The following RSPO1 variants were observed in gnomAD, a reference collection of about 807,000 sequenced individuals.
RSPO1 encodes R-spondin 1.
RSPO1 carries 18 observed loss-of-function variants against 26.0 expected under a neutral mutation model. The observed-to-expected ratio is 0.69, with a 90% CI of 0.48 to 1.03. The LOEUF (loss-of-function observed/expected upper bound fraction) is 1.03. Ranked by LOEUF, RSPO1 falls within the 50% of genes least tolerant of loss-of-function variation. The pLI, the probability that RSPO1 is intolerant of heterozygous loss-of-function variation, is 0.00. For missense variants in RSPO1, 309 were observed against 352.3 expected, an observed-to-expected ratio of 0.88 and a Z score of 0.98; for synonymous variants, 133 against 137.4, an observed-to-expected ratio of 0.97 and a Z score of 0.22.
At chr1:37,627,625 G>A (rs1239201799) in intron 3 of RSPO1, among the ~76,000 whole-genome samples, 1 of 151,126 alleles carries the variant, frequency 6.6e-6, no homozygotes, top group Non-Finnish European at 1.5e-5. Context: ...ACTCCAGCCT[G>A]GGTGACAGAG....
chr1:37,624,175 A>G (rs1570114140), intron 3 of RSPO1, among the ~76,000 whole-genome samples: 1 of 152,082 alleles, frequency 6.6e-6, no homozygotes. Flanking sequence ...AGTCCCAGCT[A>G]CTCAGGAGGC....
chr1:37,629,821 G>T lies in RSPO1; in HGVS notation c.-160C>A. The T allele has an allele frequency of 6.4e-7, 1 of 1,550,966 alleles. No homozygotes were observed. Among genetic ancestry groups the T allele is most frequent in the Non-Finnish European group, 8.7e-7 (1 of 1,146,706 alleles). On this transcript the variant is annotated 5_prime_UTR_variant, in exon 3 of 7. Coordinates refer to ENST00000356545, the MANE Select transcript of RSPO1 (RefSeq NM_001242908.2). ...CATAATCTCAGCTGGGGACAGAGAG[G>T]GTGTGGGGAGCCCAGTTCTCCATCA...
intron 4 of RSPO1, among the ~76,000 whole-genome samples, chr1:37,615,062 G>A (rs1320299348): frequency 2.0e-5 from 3 of 152,200 alleles, no homozygotes; most frequent in Admixed American, 1.3e-4. Context: ...CCAGAGTGCA[G>A]GCGGGGCTGA....
intron 3 of RSPO1, among the ~76,000 whole-genome samples, chr1:37,627,210 C>T (rs1259521986): frequency 6.6e-6 from 1 of 152,086 alleles, no homozygotes; most frequent in Non-Finnish European, 1.5e-5. Flanking sequence ...CTACCCCTGC[C>T]CCGAGGTCCA....
chr1:37,621,952 C>T (rs1644209469), intron 3 of RSPO1, among the ~76,000 whole-genome samples: 1 of 151,980 alleles, frequency 6.6e-6, no homozygotes, highest in Non-Finnish European at 1.5e-5. Flanking sequence ...CGGTCACATG[C>T]CACCGTGCTT....
intron 3 of RSPO1, among the ~76,000 whole-genome samples, chr1:37,626,954 A>G (rs947245536): frequency 6.6e-6 from 1 of 152,026 alleles, no homozygotes; most frequent in African/African-American, 2.4e-5. Flanking sequence ...AGGGTCCTCA[A>G]TGAGTGGAGG....
At chr1:37,630,749 G>C (rs58722170) in intron 2 of RSPO1, among the ~76,000 whole-genome samples, 30,322 of 152,102 alleles carry the variant, frequency 0.2, 3,136 homozygotes, top group Middle Eastern at 0.28. Context: ...TGAAAACCCT[G>C]CTTCCCCGTC....
At chr1:37,633,089 A>G (rs1376481074) in intron 1 of RSPO1, among the ~76,000 whole-genome samples, 2 of 152,118 alleles carry the variant, frequency 1.3e-5, no homozygotes, top group South Asian at 2.1e-4. Flanking sequence ...GCCTCCCTCC[A>G]CCTGCCATGT....
rs776514324 is a variant in RSPO1, at chr1:37,612,722, T to C, written c.*33A>G. On this transcript the variant is annotated 3_prime_UTR_variant, in exon 7 of 7. Coordinates refer to ENST00000356545, the MANE Select transcript of RSPO1 (RefSeq NM_001242908.2). Reference sequence around the variant, plus strand: ...AATCACGCAGAGTAGCACTGAACTCTTTCTGCATGGGCCTGGAGGCTGGAC... The same window carrying C: ...AATCACGCAGAGTAGCACTGAACTCCTTCTGCATGGGCCTGGAGGCTGGAC... The C allele has an allele frequency of 6.2e-6, 10 of 1,604,332 alleles. No individual in the cohort carries two copies. The highest frequency in any genetic ancestry group is 5.5e-5 in the South Asian group (5 of 91,076).
chr1:37,617,447 T>C (rs1484674830), intron 3 of RSPO1, among the ~76,000 whole-genome samples: 1 of 151,800 alleles, frequency 6.6e-6, no homozygotes, highest in Non-Finnish European at 1.5e-5. Flanking sequence ...ACACCTGAGG[T>C]CAGGAGTTTG....
intron 3 of RSPO1, among the ~76,000 whole-genome samples, chr1:37,616,918 C>T (rs970173313): frequency 1.3e-5 from 2 of 152,176 alleles, no homozygotes; most frequent in African/African-American, 2.4e-5. Context: ...AGACACGACA[C>T]GAGTTCACTC....
chr1:37,619,023 A>G (rs1644160236), intron 3 of RSPO1, among the ~76,000 whole-genome samples: 1 of 152,134 alleles, frequency 6.6e-6, no homozygotes, highest in Non-Finnish European at 1.5e-5. Flanking sequence ...GGAGTTCAAG[A>G]CCAGCCTGGC....
At chr1:37,622,976 G>A (rs990331708) in intron 3 of RSPO1, among the ~76,000 whole-genome samples, 1 of 152,070 alleles carries the variant, frequency 6.6e-6, no homozygotes, top group Non-Finnish European at 1.5e-5. Context: ...TCAGAGGCAG[G>A]GGACATTGAT....
rs945553208 is a variant in RSPO1, at chr1:37,634,007, G to A, written c.-356+559C>T. 1.3e-5 allele frequency among the ~76,000 whole-genome samples: 2 copies of A among 152,176 alleles called. No homozygotes were observed. The highest frequency in any genetic ancestry group is 6.5e-5 in the Admixed American group (1 of 15,280). ...CTGTCCCGGCCCTCCAGGGAGTCCC[G>A]GGCGAACATAGCCCCCACCTCTCCC... On this transcript the variant is annotated intron_variant, in intron 1 of 6. Transcript: ENST00000356545. This position sits in a 1 kb window ranked among gnomAD's most constrained non-coding sequence, Gnocchi z 4.7.
intron 1 of RSPO1, 87 bp from the exon 2 acceptor site, chr1:37,632,440 C>T (rs139135142): frequency 1.6e-4 from 24 of 152,326 alleles, no homozygotes; most frequent in African/African-American, 5.8e-4. Context: ...GGAAGAGTTG[C>T]AAGCACTTTT....
At chr1:37,630,577 C>T (rs1390988831) in intron 2 of RSPO1, among the ~76,000 whole-genome samples, 1 of 152,238 alleles carries the variant, frequency 6.6e-6, no homozygotes, top group Non-Finnish European at 1.5e-5. Context: ...AATGCCCGCC[C>T]TGGCCAGAGA....
At chr1:37,617,576 C>T (rs114744175) in intron 3 of RSPO1, among the ~76,000 whole-genome samples, 6 of 133,816 alleles carry the variant, frequency 4.5e-5, no homozygotes, top group South Asian at 2.4e-4. Flanking sequence ...GGAGAATAAT[C>T]GTTTGAACCT....
intron 3 of RSPO1, among the ~76,000 whole-genome samples, chr1:37,628,245 C>T (rs951863237): frequency 2.0e-5 from 3 of 152,218 alleles, no homozygotes; most frequent in Admixed American, 6.5e-5. Flanking sequence ...ACCGCTAAAC[C>T]GCATCTGGCC....
rs114325371 is a variant in RSPO1 at position 37,626,896 on chromosome 1, G to T, written c.94+2672C>A. ...CAGGGACCCCAGATCAGGGGTGAGG[G>T]CTAGCAAGAAGACAAGGGGCTTAGT... is the stretch of plus-strand genomic sequence containing the variant. On this transcript the variant is annotated intron_variant, in intron 3 of 6. Coordinates refer to ENST00000356545, the MANE Select transcript of RSPO1 (RefSeq NM_001242908.2). Among the ~76,000 whole-genome samples, 601 of 152,186 alleles carry T rather than the reference G, an allele frequency of 3.9e-3. 4 individuals carry two copies. Among genetic ancestry groups the T allele is most frequent in the African/African-American group, 0.014 (575 of 41,490 alleles).
Sources: gnomAD v4.1 joint callset for allele counts (sites outside exome capture counted in the v4.1 genomes callset) on GRCh38, gnomAD v4.1.1 for gene constraint, Gnocchi (gnomAD v3.1) non-coding constraint, MANE v1.5 for transcripts, NCBI Gene and HGNC (gene_info 2026-07-23, HGNC 2026-07-21) for gene names.